The following PCDH15 variants were observed in gnomAD, a reference collection of about 807,000 sequenced individuals.
PCDH15 encodes protocadherin-15.
In PCDH15, 129 loss-of-function variants were observed where a neutral mutation model predicts 178.5. The ratio of observed to expected loss-of-function variants is 0.72; its 90% CI spans 0.63 to 0.84. The LOEUF (loss-of-function observed/expected upper bound fraction) is 0.84. Among genes scored for constraint, PCDH15 ranks in the 40% least tolerant of loss-of-function variants. The pLI, the probability that PCDH15 is intolerant of heterozygous loss-of-function variation, is 0.00. For synonymous variants in PCDH15, 800 were observed against 732.0 expected, an observed-to-expected ratio of 1.09 and a Z score of -1.50; for missense variants, 2,230 against 2,099.9, an observed-to-expected ratio of 1.06 and a Z score of -1.21.
chr10:55,362,187 C>A (rs569545566), intron 2 of PCDH15, among the ~76,000 whole-genome samples: 1 of 152,150 alleles, frequency 6.6e-6, no homozygotes, highest in South Asian at 2.1e-4. Context: ...GAGATTTCAA[C>A]CCATAAAATT....
At chr10:54,870,296 G>A (rs966542775) in intron 3 of PCDH15, among the ~76,000 whole-genome samples, 3 of 152,146 alleles carry the variant, frequency 2.0e-5, no homozygotes, top group Admixed American at 6.6e-5. Flanking sequence ...TTTATTGGGT[G>A]AGAAATCTGA....
chr10:54,043,915 C>A (rs1352961617), intron 18 of PCDH15, among the ~76,000 whole-genome samples: 1 of 152,128 alleles, frequency 6.6e-6, no homozygotes, highest in African/African-American at 2.4e-5. Context: ...GAATTAGATA[C>A]CTTACCATCT....
At chr10:54,953,282 T>C (rs1692849801) in intron 2 of PCDH15, among the ~76,000 whole-genome samples, 1 of 151,524 alleles carries the variant, frequency 6.6e-6, no homozygotes, top group Admixed American at 6.6e-5. Context: ...TATAATCATA[T>C]ATATTTTTCT....
At chr10:54,935,092 AG>A (rs1233124943) in intron 2 of PCDH15, among the ~76,000 whole-genome samples, 1 of 127,488 alleles carries the variant, frequency 7.8e-6, no homozygotes, top group African/African-American at 2.9e-5. Context: ...GGGTGTGGGG[AG>A]GGGGGAGGGA....
rs138614219 is a variant in PCDH15, at chr10:54,495,079, G to A, written c.157+32733C>T. 1.9e-3 allele frequency among the ~76,000 whole-genome samples: 285 copies of A among 152,238 alleles called. 2 individuals are homozygous for A. The highest frequency in any genetic ancestry group is 6.5e-3 in the African/African-American group (270 of 41,552). The stretch of plus-strand genomic sequence containing the variant: ...GTCTGAAACTTTTCAAAATTCAAAT[G>A]TCATGGATTGAAACTACTGTCCTTG... On this transcript the variant is annotated intron_variant, in intron 3 of 37. Coordinates refer to ENST00000644397, the MANE Select transcript of PCDH15 (RefSeq NM_001384140.1).
intron 1 of PCDH15, among the ~76,000 whole-genome samples, chr10:55,314,158 A>G (rs568601486): frequency 6.8e-6 from 1 of 147,580 alleles, no homozygotes; most frequent in South Asian, 2.1e-4. Context: ...TTTATAATAT[A>G]TAATAAATTA....
chr10:54,548,988 CAT>C (rs1003980109), intron 2 of PCDH15, among the ~76,000 whole-genome samples: 7 of 151,596 alleles, frequency 4.6e-5, no homozygotes, highest in Non-Finnish European at 7.4e-5. Context: ...AATTTATTAA[CAT>C]ATATATTTCA....
intron 8 of PCDH15, among the ~76,000 whole-genome samples, chr10:54,314,915 A>G (rs961098136): frequency 6.6e-6 from 1 of 152,014 alleles, no homozygotes; most frequent in Non-Finnish European, 1.5e-5. Context: ...TATGTACATC[A>G]TTTTCTTTAT....
rs570798165 is a variant in PCDH15, at chr10:54,626,174, A to C, written c.91+37998T>G. 3.7e-3 allele frequency among the ~76,000 whole-genome samples: 563 copies of C among 152,324 alleles called. 2 individuals are homozygous for C. Among genetic ancestry groups the C allele is most frequent in the African/African-American group, 0.013 (543 of 41,582 alleles). On this transcript the variant is annotated intron_variant, in intron 2 of 37. Coordinates refer to ENST00000644397, the MANE Select transcript of PCDH15 (RefSeq NM_001384140.1). ...GGTGCTGTTAAAGGCATTCAGCTTTACAAAGGAGGCAGAACATGAATATTC... is the reference window on the plus strand; with the variant it reads ...GGTGCTGTTAAAGGCATTCAGCTTTCCAAAGGAGGCAGAACATGAATATTC...
At chr10:54,852,145 T>C (rs1351394315) in intron 3 of PCDH15, among the ~76,000 whole-genome samples, 1 of 152,132 alleles carries the variant, frequency 6.6e-6, no homozygotes, top group Non-Finnish European at 1.5e-5. Flanking sequence ...CAGACATAAG[T>C]GACAAAGAGA....
intron 17 of PCDH15, among the ~76,000 whole-genome samples, chr10:54,072,677 A>G (rs989982427): frequency 2.0e-5 from 3 of 152,136 alleles, no homozygotes; most frequent in African/African-American, 7.2e-5. Context: ...GGAAACTAAG[A>G]GAAATTTGGG....
At chr10:54,723,386 C>T (rs561533774) in intron 1 of PCDH15, among the ~76,000 whole-genome samples, 1 of 151,706 alleles carries the variant, frequency 6.6e-6, no homozygotes, top group Admixed American at 6.6e-5. Flanking sequence ...TCACTGTGTA[C>T]AAAAATCAAG....
At chr10:54,883,701 A>T (rs2131808559) in intron 3 of PCDH15, among the ~76,000 whole-genome samples, 1 of 152,128 alleles carries the variant, frequency 6.6e-6, no homozygotes, top group South Asian at 2.1e-4. Context: ...ATTATTATTT[A>T]CAATCTGGAA....
At chr10:55,182,866 A>T (rs60393415) in intron 1 of PCDH15, among the ~76,000 whole-genome samples, 1 of 151,994 alleles carries the variant, frequency 6.6e-6, no homozygotes, top group Non-Finnish European at 1.5e-5. Flanking sequence ...GCAGGCAAGA[A>T]AGTGAGAAAG....
intron 2 of PCDH15, among the ~76,000 whole-genome samples, chr10:55,077,443 C>CTTCT: frequency 6.9e-6 from 1 of 145,302 alleles, no homozygotes; most frequent in Non-Finnish European, 1.5e-5. Context: ...TCCTTTCTTC[C>CTTCT]TTCCTTCCCT....
chr10:53,922,129 A>G (rs1260312560), intron 25 of PCDH15, among the ~76,000 whole-genome samples: 1 of 152,136 alleles, frequency 6.6e-6, no homozygotes. Flanking sequence ...AGCCCTCAGA[A>G]GATGCCTGGC....
At chr10:55,073,284 A>C (rs1259108591) in intron 2 of PCDH15, among the ~76,000 whole-genome samples, 1 of 152,026 alleles carries the variant, frequency 6.6e-6, no homozygotes, top group Non-Finnish European at 1.5e-5. Flanking sequence ...AAGGGTATTC[A>C]ATTAGGAAAA....
chr10:55,413,496 C>T (rs115157024), intron 2 of PCDH15, among the ~76,000 whole-genome samples: 2,030 of 151,614 alleles, frequency 0.013, 43 homozygotes, highest in African/African-American at 0.045. Context: ...AGGGAATAGA[C>T]GAAGTCTGCT....
chr10:54,544,359 A>G (rs533178774), intron 2 of PCDH15, among the ~76,000 whole-genome samples: 6 of 152,324 alleles, frequency 3.9e-5, no homozygotes, highest in African/African-American at 1.4e-4. Context: ...TGAATATAAT[A>G]AAGTGCTAAG....
Sources: allele counts gnomAD v4.1 joint callset (sites outside exome capture counted in the v4.1 genomes callset), GRCh38; gene constraint gnomAD v4.1.1; transcripts MANE v1.5; gene names NCBI Gene and HGNC (gene_info 2026-07-23, HGNC 2026-07-21).